The following WIPF3 variants were observed in gnomAD, a reference collection of about 807,000 sequenced individuals.
WIPF3 encodes the protein WAS/WASL interacting protein family member 3.
In WIPF3, 33 loss-of-function variants were observed where a neutral mutation model predicts 38.9. The ratio of observed to expected loss-of-function variants is 0.85; its 90% CI spans 0.64 to 1.14. The LOEUF is 1.14. Ranked by LOEUF, WIPF3 falls within the 50% of genes most tolerant of loss-of-function variation. The pLI is 0.00. For synonymous variants in WIPF3, 324 were observed against 269.3 expected (o/e 1.20, Z -1.99); for missense variants, 711 against 652.5 (o/e 1.09, Z -0.98).
At chr7:29,868,467 A>G (rs1356130161) in intron 2 of WIPF3, among the ~76,000 whole-genome samples, 2 of 151,836 alleles carry the variant, frequency 1.3e-5, no homozygotes, top group East Asian at 3.9e-4. Context: ...TGAGAGTCCA[A>G]TTTTGGAGAC....
chr7:29,872,232 C>T (rs1298767484), intron 2 of WIPF3, among the ~76,000 whole-genome samples: 3 of 152,162 alleles, frequency 2.0e-5, no homozygotes, highest in Non-Finnish European at 4.4e-5. Context: ...TTTCCTGTTT[C>T]TGCATCCTGT....
At chr7:29,837,375 CAAATG>C (rs1270632118) in intron 2 of WIPF3, among the ~76,000 whole-genome samples, 1 of 152,168 alleles carries the variant, frequency 6.6e-6, no homozygotes, top group African/African-American at 2.4e-5. Context: ...AACAAACAAA[CAAATG>C]AAAAACACAT....
In WIPF3 at chr7:29,808,336, A is replaced by G. The variant is rs1012137477; in HGVS notation, c.-58+1658A>G. ...TAAGAAGTAACTGGAAATGAAACAT[A>G]CACTGCAGATGCCTTTATGTGCATC... On this transcript the variant is annotated intron_variant, in intron 1 of 8. Coordinates refer to ENST00000242140, the MANE Select transcript of WIPF3 (RefSeq NM_001080529.3). Among the ~76,000 whole-genome samples, 7 of 152,380 alleles carry G rather than the reference A, an allele frequency of 4.6e-5. No homozygotes were observed. The East Asian group carries it at 7.7e-4, about 17-fold the overall frequency.
chr7:29,836,252 T>C (rs1400428814), intron 2 of WIPF3, among the ~76,000 whole-genome samples: 1 of 152,224 alleles, frequency 6.6e-6, no homozygotes, highest in Non-Finnish European at 1.5e-5. Context: ...GAAACTATCA[T>C]ATGGATCTTG....
chr7:29,884,264 T>G lies in WIPF3; in HGVS notation c.770T>G (p.Leu257Arg). The change falls in exon 5 of 9, where the codon CTC becomes CGC. Residue 257 changes from leucine to arginine, a missense_variant. Physicochemically the swap from Leu to Arg is moderately radical, Grantham distance 102. Transcript: ENST00000242140. ...AVKPQLAPLH[L>R]PPIPPPLPLL... ...AAGCCTCAGCTGGCTCCCTTGCACC[T>G]CCCGCCCATCCCGCCCCCGCTCCCT... 2 of 1,315,242 alleles carry G rather than the reference T, an allele frequency of 1.5e-6. No individual in the cohort carries two copies. The highest frequency in any genetic ancestry group is 2.0e-6 in the Non-Finnish European group (2 of 992,666). 81.5% of individuals were successfully genotyped at this position (1,315,242 alleles called of 1,614,324 possible).
At chr7:29,862,494 T>C (rs930949588) in intron 2 of WIPF3, among the ~76,000 whole-genome samples, 1 of 152,052 alleles carries the variant, frequency 6.6e-6, no homozygotes, top group African/African-American at 2.4e-5. Flanking sequence ...GTCCTGAAAA[T>C]GAAAAGAAAT....
At chr7:29,868,863 C>T (rs543931625) in intron 2 of WIPF3, among the ~76,000 whole-genome samples, 57 of 152,142 alleles carry the variant, frequency 3.7e-4, no homozygotes, top group Middle Eastern at 3.4e-3. Flanking sequence ...AGGAAAGGTA[C>T]AATAACAATA....
intron 7 of WIPF3, 80 bp from the exon 8 acceptor site, chr7:29,904,206 T>C (rs1786345175): frequency 2.8e-6 from 4 of 1,411,286 alleles, no homozygotes; most frequent in African/African-American, 1.4e-5. Context: ...TAAGTGCTGA[T>C]TTAGAGAAAG....
At chr7:29,888,766 G>T (rs1460911945) in intron 6 of WIPF3, among the ~76,000 whole-genome samples, 1 of 152,170 alleles carries the variant, frequency 6.6e-6, no homozygotes. Context: ...CCATGAAAGG[G>T]CCACAGGAGC....
At chr7:29,875,201 A>G (rs763092532) in intron 2 of WIPF3, among the ~76,000 whole-genome samples, 4 of 151,928 alleles carry the variant, frequency 2.6e-5, no homozygotes, top group African/African-American at 4.8e-5. Flanking sequence ...GTTCTCCCCT[A>G]TGCTCCATGA....
At chr7:29,828,565 A>G (rs1388345080) in intron 1 of WIPF3, among the ~76,000 whole-genome samples, 2 of 152,192 alleles carry the variant, frequency 1.3e-5, no homozygotes, top group Non-Finnish European at 2.9e-5. Flanking sequence ...GCAAAAATCT[A>G]GATAGATATG....
intron 1 of WIPF3, among the ~76,000 whole-genome samples, chr7:29,807,355 A>C (rs939161711): frequency 2.6e-5 from 4 of 152,202 alleles, no homozygotes; most frequent in Non-Finnish European, 5.9e-5. Flanking sequence ...ACATTTGGCC[A>C]CAAATGGGTT....
intron 1 of WIPF3, among the ~76,000 whole-genome samples, chr7:29,826,978 A>T (rs1001185704): frequency 6.6e-6 from 1 of 152,194 alleles, no homozygotes; most frequent in Non-Finnish European, 1.5e-5. Flanking sequence ...GAGAATGGAG[A>T]TAATAATGGT....
intron 2 of WIPF3, among the ~76,000 whole-genome samples, chr7:29,869,582 T>G (rs1406418769): frequency 2.0e-5 from 3 of 152,204 alleles, no homozygotes; most frequent in Non-Finnish European, 2.9e-5. Context: ...TTGCTAGTTA[T>G]GGGGTAGTTG....
Position 29,891,861 on chromosome 7 carries a change from T to C in WIPF3, c.1351+2454T>C, listed in dbSNP as rs2128078175. ...AAAGCCAGAGAGAGAGGGTCACAGT[T>C]CCACGTGGGTGGGAAGGCATCCAGG... On this transcript the variant is annotated intron_variant, in intron 7 of 8. Transcript: ENST00000242140. Among the ~76,000 whole-genome samples, 2 of 152,202 alleles carry C rather than the reference T, an allele frequency of 1.3e-5. 1 individual carries two copies. Among genetic ancestry groups the C allele is most frequent in the Middle Eastern group, 6.8e-3 (2 of 294 alleles).
rs192227360 is a variant in WIPF3, at chr7:29,911,770, C to A, written c.1429-2723C>A. On this transcript the variant is annotated intron_variant, in intron 8 of 8. Transcript: ENST00000242140. ...GTTGGACCCCTTCTAATATCATGTA[C>A]AAAAATTAACTCAAAATGAATCGAA... Among the ~76,000 whole-genome samples, 17 of 152,182 alleles carry A rather than the reference C, an allele frequency of 1.1e-4. No individual in the cohort carries two copies. In the East Asian group the frequency reaches 3.3e-3, roughly 29 times the overall value.
intron 2 of WIPF3, among the ~76,000 whole-genome samples, chr7:29,839,226 G>A (rs1243984716): frequency 1.3e-5 from 2 of 152,164 alleles, no homozygotes; most frequent in East Asian, 1.9e-4. Flanking sequence ...ATTATTTTAT[G>A]TGCTTTTCTA....
At position 29,884,370 on chromosome 7, in the gene WIPF3, G is replaced by A. The variant is rs772138807; in HGVS notation, c.876G>A (p.Pro292=). 5.3e-6 allele frequency: 2 copies of A among 374,662 alleles called. No homozygotes were observed. The highest frequency in any genetic ancestry group is 1.7e-4 in the East Asian group (1 of 5,834). 23.2% of individuals were successfully genotyped at this position (374,662 alleles called of 1,614,324 possible). ...AAGATGCGCAGGAGCCTCCCGCCCC[G>A]CCGCCCCCGCTCCCCCCTTATGCTT... ...PAQDAQEPPA[P]PPPLPPYASC... The change falls in exon 5 of 9, where the codon CCG becomes CCA. Residue 292 remains proline (P), a synonymous_variant. Coordinates refer to ENST00000242140, the MANE Select transcript of WIPF3 (RefSeq NM_001080529.3).
chr7:29,859,483 G>C (rs996262358), intron 2 of WIPF3, among the ~76,000 whole-genome samples: 5 of 152,096 alleles, frequency 3.3e-5, no homozygotes, highest in Non-Finnish European at 5.9e-5. Context: ...TGAGTGTTTT[G>C]GGGTTTCTTT....
Sources: allele counts gnomAD v4.1 joint callset (sites outside exome capture counted in the v4.1 genomes callset), GRCh38; gene constraint gnomAD v4.1.1; transcripts MANE v1.5; gene names NCBI Gene and HGNC (gene_info 2026-07-23, HGNC 2026-07-21).